SNTG1: variants seen among roughly 807,000 people sequenced by gnomAD.
The protein encoded by SNTG1 is syntrophin gamma 1, also known as gamma-1-syntrophin.
SNTG1 carries 39 observed loss-of-function variants against 74.7 expected under a neutral mutation model. The observed-to-expected ratio is 0.52, with a 90% CI of 0.40 to 0.68. The LOEUF (loss-of-function observed/expected upper bound fraction) is 0.68, where lower values mean the gene tolerates loss of function less well. Among genes scored for constraint, SNTG1 ranks in the 30% least tolerant of loss-of-function variants. SNTG1 has a pLI of 0.00. For synonymous variants in SNTG1, 254 were observed against 217.1 expected, an observed-to-expected ratio of 1.17 and a Z score of -1.49; for missense variants, 685 against 609.5, an observed-to-expected ratio of 1.12 and a Z score of -1.30.
Position 50,158,733 on chromosome 8 carries a change from TA to T in SNTG1, c.-102-13826del, listed in dbSNP as rs1171506760. On this transcript the variant is annotated intron_variant, in intron 1 of 18. Transcript: ENST00000642720. ...TTCCTTATTACATTAACATAACTTTTAATTGATTCAATTTTTTGCTATGATA... is the reference window on the plus strand; with the variant it reads ...TTCCTTATTACATTAACATAACTTTTATTGATTCAATTTTTTGCTATGATA... Among the ~76,000 whole-genome samples the T allele has an allele frequency of 3.3e-5, 5 of 152,278 alleles. No homozygotes were observed. In the East Asian group the frequency reaches 9.7e-4, roughly 29 times the overall value.
chr8:50,717,792 A>G (rs564983150), intron 17 of SNTG1, among the ~76,000 whole-genome samples: 1 of 152,306 alleles, frequency 6.6e-6, no homozygotes, highest in South Asian at 2.1e-4. Context: ...GCACAGTGAG[A>G]CTTGCATGAT....
intron 17 of SNTG1, among the ~76,000 whole-genome samples, chr8:50,745,595 T>C (rs2095553341): frequency 6.6e-6 from 1 of 152,022 alleles, no homozygotes; most frequent in Non-Finnish European, 1.5e-5. Flanking sequence ...CTTAAACAGA[T>C]ACTTGTACAC....
At chr8:50,502,692 A>C in intron 8 of SNTG1, 86 bp from the exon 9 acceptor site, 1 of 1,114,918 alleles carries the variant, frequency 9.0e-7, no homozygotes, top group Non-Finnish European at 1.3e-6. Flanking sequence ...GGAAGGTGGA[A>C]GAAACAACCA....
chr8:50,675,621 T>A (rs1225519682), intron 15 of SNTG1, among the ~76,000 whole-genome samples: 1 of 152,094 alleles, frequency 6.6e-6, no homozygotes, highest in Non-Finnish European at 1.5e-5. Flanking sequence ...AATTTGCCAA[T>A]CTGTGTCTTT....
chr8:50,588,514 A>C (rs2094669326), intron 12 of SNTG1, among the ~76,000 whole-genome samples: 1 of 152,214 alleles, frequency 6.6e-6, no homozygotes, highest in Non-Finnish European at 1.5e-5. Context: ...ATGAATAAAC[A>C]TGAATAGATT....
At chr8:50,541,332 G>A (rs1489509742) in intron 11 of SNTG1, among the ~76,000 whole-genome samples, 2 of 149,838 alleles carry the variant, frequency 1.3e-5, no homozygotes, top group Non-Finnish European at 3.0e-5. Flanking sequence ...ATCCACTAAC[G>A]CAGTCAAGTT....
intron 18 of SNTG1, among the ~76,000 whole-genome samples, chr8:50,773,918 G>T (rs533181807): frequency 3.3e-5 from 5 of 152,078 alleles, no homozygotes; most frequent in African/African-American, 7.2e-5. Context: ...GTAATGAAAA[G>T]AATCAAATAA....
chr8:50,540,654 G>C (rs1488192506), intron 11 of SNTG1, among the ~76,000 whole-genome samples: 2 of 151,966 alleles, frequency 1.3e-5, no homozygotes, highest in Admixed American at 6.6e-5. Context: ...AGTGTTTGCT[G>C]TATATATTTA....
chr8:50,329,613 G>A (rs2090883710), intron 2 of SNTG1, among the ~76,000 whole-genome samples: 1 of 151,902 alleles, frequency 6.6e-6, no homozygotes, highest in Non-Finnish European at 1.5e-5. Context: ...AGATCCCAAG[G>A]CTACACACAG....
At chr8:50,751,010 T>G (rs2095566065) in intron 17 of SNTG1, among the ~76,000 whole-genome samples, 1 of 152,066 alleles carries the variant, frequency 6.6e-6, no homozygotes, top group Admixed American at 6.6e-5. Flanking sequence ...TCAGCAACAA[T>G]AGCTTAAATA....
intron 1 of SNTG1, among the ~76,000 whole-genome samples, chr8:50,105,460 T>A (rs1323329615): frequency 6.6e-6 from 1 of 152,108 alleles, no homozygotes; most frequent in Non-Finnish European, 1.5e-5. Context: ...TTGAGTAACA[T>A]GATGTCTTCA....
At chr8:50,617,237 C>A (rs1563651953) in intron 13 of SNTG1, among the ~76,000 whole-genome samples, 1 of 152,124 alleles carries the variant, frequency 6.6e-6, no homozygotes, top group Non-Finnish European at 1.5e-5. Context: ...AAGGAACCTG[C>A]TAATTTATGT....
At chr8:50,414,538 C>A (rs2092990467) in intron 4 of SNTG1, among the ~76,000 whole-genome samples, 1 of 152,122 alleles carries the variant, frequency 6.6e-6, no homozygotes, top group Non-Finnish European at 1.5e-5. Context: ...TCTGCTCGTA[C>A]AGACTTCTTA....
intron 1 of SNTG1, among the ~76,000 whole-genome samples, chr8:49,958,790 A>G (rs1361837305): frequency 2.0e-5 from 3 of 152,242 alleles, no homozygotes; most frequent in Non-Finnish European, 4.4e-5. Context: ...CAAAAACAGT[A>G]TAGCACATAA....
chr8:50,554,468 C>T (rs1056279228), intron 12 of SNTG1, among the ~76,000 whole-genome samples: 4 of 150,134 alleles, frequency 2.7e-5, no homozygotes, highest in African/African-American at 7.4e-5. Flanking sequence ...TGAATAAAAA[C>T]AGATTTTCCT....
chr8:50,289,698 T>C (rs78818836), intron 2 of SNTG1, among the ~76,000 whole-genome samples: 10,515 of 152,218 alleles, frequency 0.069, 401 homozygotes, highest in African/African-American at 0.085. Context: ...AGGACTGATA[T>C]CATAAATGAA....
chr8:50,032,848 T>A (rs1223551740), intron 1 of SNTG1, among the ~76,000 whole-genome samples: 1 of 152,142 alleles, frequency 6.6e-6, no homozygotes, highest in Non-Finnish European at 1.5e-5. Flanking sequence ...AATTAGCCAA[T>A]TAGCTAAAGG....
intron 1 of SNTG1, among the ~76,000 whole-genome samples, chr8:49,990,306 G>A (rs763342851): frequency 4.0e-4 from 61 of 152,104 alleles, no homozygotes; most frequent in Non-Finnish European, 1.3e-4. Context: ...CAAAAGGAAT[G>A]TAAGACTGAA....
chr8:50,110,926 C>A (rs888955845), intron 1 of SNTG1, among the ~76,000 whole-genome samples: 2 of 152,078 alleles, frequency 1.3e-5, no homozygotes, highest in African/African-American at 2.4e-5. Context: ...CAATTAACTT[C>A]TTTAATCTAG....
Sources: gnomAD v4.1 joint callset for allele counts (sites outside exome capture counted in the v4.1 genomes callset) on GRCh38, gnomAD v4.1.1 for gene constraint, MANE v1.5 for transcripts, NCBI Gene and HGNC (gene_info 2026-07-23, HGNC 2026-07-21) for gene names.